The following SORCS2 variants were observed in gnomAD, a reference collection of about 807,000 sequenced individuals.
SORCS2 encodes the protein VPS10 domain-containing receptor SorCS2.
In SORCS2, 100 loss-of-function variants were observed where a neutral mutation model predicts 141.6. The ratio of observed to expected loss-of-function variants is 0.71; its 90% CI spans 0.60 to 0.83. SORCS2 has a LOEUF of 0.83. SORCS2 is among the 40% of genes least tolerant of loss of function. The pLI is 0.00. For synonymous variants in SORCS2, 789 were observed against 676.9 expected, an observed-to-expected ratio of 1.17 and a Z score of -2.57; for missense variants, 1,646 against 1,560.2, an observed-to-expected ratio of 1.05 and a Z score of -0.93.
intron 1 of SORCS2, among the ~76,000 whole-genome samples, chr4:7,336,120 C>T (rs1204755929): frequency 6.6e-6 from 1 of 152,230 alleles, no homozygotes; most frequent in African/African-American, 2.4e-5. Context: ...CCCATGTGTG[C>T]TGTGATTCGA....
At chr4:7,653,010 C>A (rs1307122123) in intron 4 of SORCS2, among the ~76,000 whole-genome samples, 4 of 152,196 alleles carry the variant, frequency 2.6e-5, no homozygotes, top group African/African-American at 9.7e-5. Context: ...GCCCCCAGGA[C>A]CAGCCTCAAG....
intron 14 of SORCS2, 121 bp from the exon 15 acceptor site, chr4:7,712,612 A>G: frequency 7.1e-7 from 1 of 1,408,304 alleles, no homozygotes; most frequent in South Asian, 1.3e-5. Context: ...CAAGGGCAGG[A>G]GAAGGATATC....
intron 3 of SORCS2, among the ~76,000 whole-genome samples, chr4:7,624,603 A>G (rs977932273): frequency 6.6e-6 from 1 of 152,250 alleles, no homozygotes; most frequent in Non-Finnish European, 1.5e-5. Flanking sequence ...GAAAAGGCCT[A>G]ACACAAAGCT....
At chr4:7,354,410 A>C (rs1382939696) in intron 1 of SORCS2, among the ~76,000 whole-genome samples, 1 of 145,636 alleles carries the variant, frequency 6.9e-6, no homozygotes, top group African/African-American at 2.6e-5. Context: ...AAGACCCCCC[A>C]CCACCAAATA....
chr4:7,571,831 A>C (rs543404524), intron 3 of SORCS2, among the ~76,000 whole-genome samples: 1 of 152,136 alleles, frequency 6.6e-6, no homozygotes, highest in African/African-American at 2.4e-5. Flanking sequence ...AAGGACAAAC[A>C]CATCCCAGTA....
intron 10 of SORCS2, among the ~76,000 whole-genome samples, chr4:7,683,482 G>A (rs1247761092): frequency 6.6e-6 from 1 of 152,244 alleles, no homozygotes; most frequent in Non-Finnish European, 1.5e-5. Context: ...TCTCTGCTCT[G>A]CACATCTTGC....
chr4:7,453,472 C>A (rs1001314627), intron 2 of SORCS2, among the ~76,000 whole-genome samples: 8 of 134,442 alleles, frequency 6.0e-5, no homozygotes, highest in Non-Finnish European at 1.1e-4. Context: ...GTGTTGGGGT[C>A]AGGCTCCGTC....
At chr4:7,545,143 G>GA (rs34817306) in intron 3 of SORCS2, among the ~76,000 whole-genome samples, 26 of 146,120 alleles carry the variant, frequency 1.8e-4, no homozygotes, top group Middle Eastern at 3.6e-3. Context: ...GGAGGGAAAA[G>GA]AAAAAAAAAA....
chr4:7,244,613 G>A (rs1245489022), intron 1 of SORCS2, among the ~76,000 whole-genome samples: 1 of 152,334 alleles, frequency 6.6e-6, no homozygotes, highest in East Asian at 1.9e-4. Context: ...CTGGTTCCAA[G>A]CACTGAGGGC....
chr4:7,704,577 T>C (rs1191390613), intron 14 of SORCS2, among the ~76,000 whole-genome samples: 1 of 152,170 alleles, frequency 6.6e-6, no homozygotes, highest in African/African-American at 2.4e-5. Flanking sequence ...AGACAGATCA[T>C]CATAGGGCAG....
intron 2 of SORCS2, among the ~76,000 whole-genome samples, chr4:7,425,021 G>A (rs1439860901): frequency 6.6e-6 from 1 of 152,174 alleles, no homozygotes; most frequent in Non-Finnish European, 1.5e-5. Context: ...CCCCATCTGT[G>A]GGCCGAGCTC....
chr4:7,411,993 G>A (rs373624131), intron 2 of SORCS2, among the ~76,000 whole-genome samples: 22 of 152,194 alleles, frequency 1.4e-4, no homozygotes, highest in Middle Eastern at 3.2e-3. Flanking sequence ...TCCCTAGCAT[G>A]TATGCTGCCA....
At chr4:7,470,573 G>T (rs1729912766) in intron 2 of SORCS2, among the ~76,000 whole-genome samples, 1 of 152,366 alleles carries the variant, frequency 6.6e-6, no homozygotes, top group Non-Finnish European at 1.5e-5. Flanking sequence ...GGAGAACCCG[G>T]TAGCTGCTGT....
intron 1 of SORCS2, among the ~76,000 whole-genome samples, chr4:7,245,074 G>A (rs1243581641): frequency 6.6e-6 from 1 of 152,158 alleles, no homozygotes; most frequent in East Asian, 1.9e-4. Context: ...CGAGGGTCCT[G>A]TCTCCTGGCA....
At chr4:7,597,285 C>T (rs1422339392) in intron 3 of SORCS2, among the ~76,000 whole-genome samples, 5 of 143,278 alleles carry the variant, frequency 3.5e-5, no homozygotes, top group South Asian at 2.3e-4. Context: ...AGAGGAGGGG[C>T]GATTGCAATC....
chr4:7,280,380 A>G (rs1465056489), intron 1 of SORCS2, among the ~76,000 whole-genome samples: 9 of 152,234 alleles, frequency 5.9e-5, no homozygotes, highest in Admixed American at 5.9e-4. Context: ...CTGTTGGAAA[A>G]TGCCAGGGTT....
chr4:7,526,751 C>T (rs770847149), intron 2 of SORCS2, among the ~76,000 whole-genome samples: 3 of 152,130 alleles, frequency 2.0e-5, no homozygotes, highest in South Asian at 2.1e-4. Flanking sequence ...CGGTGGGGGC[C>T]GAAGGTGTAT....
At chr4:7,462,149 T>G (rs2109325764) in intron 2 of SORCS2, among the ~76,000 whole-genome samples, 1 of 152,328 alleles carries the variant, frequency 6.6e-6, no homozygotes, top group South Asian at 2.1e-4. Context: ...TTCCCTGGGC[T>G]CCGAGGTGGG....
In SORCS2 at chr4:7,573,895, C is replaced by A. The variant is rs540698067; in HGVS notation, c.648+42266C>A. Reference sequence around the variant, plus strand: ...GTCCTGCGCCCACTGCCTCCCTGGCCTCCTCGCTGTGCTTGGGAAGCAGCA... The same window carrying A: ...GTCCTGCGCCCACTGCCTCCCTGGCATCCTCGCTGTGCTTGGGAAGCAGCA... On this transcript the variant is annotated intron_variant, in intron 3 of 26. Coordinates refer to ENST00000507866, the MANE Select transcript of SORCS2 (RefSeq NM_020777.3). Among the ~76,000 whole-genome samples the A allele has an allele frequency of 3.9e-5, 6 of 152,334 alleles. No individual in the cohort carries two copies. In the South Asian group the frequency reaches 1.2e-3, roughly 32 times the overall value.
Sources: allele counts gnomAD v4.1 joint callset (sites outside exome capture counted in the v4.1 genomes callset), GRCh38; gene constraint gnomAD v4.1.1; transcripts MANE v1.5; gene names NCBI Gene and HGNC (gene_info 2026-07-23, HGNC 2026-07-21).